Variants in ADGRL2 observed in about 807,000 individuals in gnomAD.
The protein encoded by ADGRL2 is calcium-independent alpha-latrotoxin receptor 2.
Under a neutral mutation model 157.4 loss-of-function variants are expected in ADGRL2, and 44 were observed. The ratio of observed to expected loss-of-function variants is 0.28; its 90% CI spans 0.22 to 0.36. ADGRL2 has a LOEUF of 0.36. Ranked by LOEUF, ADGRL2 falls within the 10% of genes least tolerant of loss-of-function variation. The probability of loss-of-function intolerance (pLI) is 1.00; values close to 1 mark genes in which losing one functional copy is unlikely to be tolerated. For missense variants in ADGRL2, 1,510 were observed against 1,768.9 expected (o/e 0.85, Z 2.63); for synonymous variants, 585 against 624.7 (o/e 0.94, Z 0.95).
At chr1:81,985,135 A>G (rs1662787046) in intron 20 of ADGRL2, 124 bp from the exon 21 acceptor site, 1 of 512,410 alleles carries the variant, frequency 2.0e-6, no homozygotes, top group South Asian at 3.6e-5. Context: ...AAAAACACAC[A>G]TTCTTTAAAA....
At chr1:81,583,003 A>G (rs1220355877) in intron 3 of ADGRL2, among the ~76,000 whole-genome samples, 10 of 152,288 alleles carry the variant, frequency 6.6e-5, no homozygotes, top group Admixed American at 5.9e-4. Flanking sequence ...ATGTATAAGA[A>G]CACTCCCATG....
chr1:81,824,791 A>G (rs1323560804), intron 1 of ADGRL2, among the ~76,000 whole-genome samples: 2 of 152,154 alleles, frequency 1.3e-5, no homozygotes, highest in Non-Finnish European at 1.5e-5. Context: ...GAGGGGAAAG[A>G]TGTTTTCTAT....
chr1:81,758,576 T>C (rs1171485780), intron 1 of ADGRL2, among the ~76,000 whole-genome samples: 2 of 152,214 alleles, frequency 1.3e-5, no homozygotes, highest in Admixed American at 6.5e-5. Context: ...ACATAAAGCA[T>C]TGGTATTTGA....
chr1:81,359,702 A>G (rs146804596), intron 1 of ADGRL2, among the ~76,000 whole-genome samples: 7 of 152,102 alleles, frequency 4.6e-5, no homozygotes, highest in Admixed American at 3.3e-4. Context: ...GCTAATAGAC[A>G]TCTCAAATTT....
intron 1 of ADGRL2, among the ~76,000 whole-genome samples, chr1:81,328,124 C>G (rs1179713479): frequency 6.6e-6 from 1 of 152,154 alleles, no homozygotes; most frequent in Non-Finnish European, 1.5e-5. Flanking sequence ...GGAGCATTGA[C>G]AGGATACCAC....
In ADGRL2 at chr1:81,984,858, C is replaced by G; in HGVS notation, c.3411+147C>G. On this transcript the variant is annotated intron_variant, in intron 20 of 23. Coordinates refer to ENST00000686636, the MANE Select transcript of ADGRL2 (RefSeq NM_001366006.2). ...TTTTTTAGTATTTTGGTTTCAATGT[C>G]TTCTTAAACATTTCTTCAGTGTTTC... 8.3e-6 allele frequency: 7 copies of G among 848,218 alleles called. No homozygotes were observed. The South Asian group carries it at 1.4e-4, about 17-fold the overall frequency. 52.5% of individuals were successfully genotyped at this position (848,218 alleles called of 1,614,324 possible).
At chr1:81,875,120 C>T (rs1426579420) in intron 2 of ADGRL2, among the ~76,000 whole-genome samples, 4 of 152,142 alleles carry the variant, frequency 2.6e-5, no homozygotes, top group Non-Finnish European at 4.4e-5. Context: ...AAAATCCCTG[C>T]AGCAAGTGAC....
At chr1:81,865,665 G>T (rs929747680) in intron 2 of ADGRL2, among the ~76,000 whole-genome samples, 2 of 152,154 alleles carry the variant, frequency 1.3e-5, no homozygotes, top group Non-Finnish European at 2.9e-5. Flanking sequence ...TACTTGCCCT[G>T]CAGACAAGGA....
chr1:81,405,312 T>C (rs1156464167), intron 1 of ADGRL2, among the ~76,000 whole-genome samples: 1 of 152,132 alleles, frequency 6.6e-6, no homozygotes, highest in East Asian at 1.9e-4. Context: ...TCCGTATTAA[T>C]TTAGAATTGG....
intron 2 of ADGRL2, among the ~76,000 whole-genome samples, chr1:81,852,034 A>G (rs1393552198): frequency 2.0e-5 from 3 of 151,998 alleles, no homozygotes; most frequent in Non-Finnish European, 4.4e-5. Flanking sequence ...GTACTTGGTA[A>G]CTAAAATGTT....
Position 81,554,038 on chromosome 1 carries a change from AT to A in ADGRL2, c.-247-26836del, listed in dbSNP as rs570318919. The stretch of plus-strand genomic sequence containing the variant: ...TGGGAAATATTCTTCTACTGACCAG[AT>A]TCCTCCTGCCTTCTAATAATAACCT... On this transcript the variant is annotated intron_variant, in intron 2 of 24. Coordinates refer to the ADGRL2 transcript ENST00000370721. Among the ~76,000 whole-genome samples, 584 of 152,322 alleles carry A rather than the reference AT, an allele frequency of 3.8e-3. 2 individuals carry two copies. The highest frequency in any genetic ancestry group is 8.6e-3 in the Admixed American group (131 of 15,298).
chr1:81,432,954 T>A (rs565941568), intron 1 of ADGRL2, among the ~76,000 whole-genome samples: 2 of 152,244 alleles, frequency 1.3e-5, no homozygotes, highest in African/African-American at 2.4e-5. Context: ...GAGGAAAAAG[T>A]GTCTGTGGAA....
intron 2 of ADGRL2, among the ~76,000 whole-genome samples, chr1:81,881,348 T>C (rs781740016): frequency 3.3e-5 from 5 of 152,108 alleles, no homozygotes; most frequent in Non-Finnish European, 5.9e-5. Context: ...GCTAATTTTT[T>C]GTAGTTTTTA....
intron 1 of ADGRL2, among the ~76,000 whole-genome samples, chr1:81,419,712 C>T (rs2077092995): frequency 1.3e-5 from 2 of 152,128 alleles, no homozygotes; most frequent in South Asian, 4.1e-4. Flanking sequence ...GAAAATGGAT[C>T]TTTAAATCAG....
intron 1 of ADGRL2, among the ~76,000 whole-genome samples, chr1:81,748,520 G>A (rs1336376158): frequency 6.8e-6 from 1 of 146,560 alleles, no homozygotes; most frequent in Admixed American, 6.8e-5. Context: ...AACAGTAGAA[G>A]AGTTTTGACC....
chr1:81,354,549 G>A (rs141129016), intron 1 of ADGRL2, among the ~76,000 whole-genome samples: 1 of 152,188 alleles, frequency 6.6e-6, no homozygotes, highest in Admixed American at 6.5e-5. Context: ...CTCCCAAAAT[G>A]CCTTCCCACT....
intron 1 of ADGRL2, among the ~76,000 whole-genome samples, chr1:81,734,074 C>T (rs542620851): frequency 3.9e-5 from 6 of 152,038 alleles, no homozygotes; most frequent in African/African-American, 1.2e-4. Flanking sequence ...GTCGGGAGTT[C>T]GAGACCAGAC....
chr1:81,383,014 C>T (rs1265006169), intron 1 of ADGRL2, among the ~76,000 whole-genome samples: 2 of 152,160 alleles, frequency 1.3e-5, no homozygotes, highest in African/African-American at 4.8e-5. Flanking sequence ...GTGTTAAGCA[C>T]ATACAAGTCA....
At chr1:81,903,567 T>G (rs2094526510) in intron 2 of ADGRL2, among the ~76,000 whole-genome samples, 1 of 151,818 alleles carries the variant, frequency 6.6e-6, no homozygotes, top group Admixed American at 6.6e-5. Flanking sequence ...ACAGCAACTA[T>G]TCCATTGTTT....
Sources: gnomAD v4.1 joint callset for allele counts (sites outside exome capture counted in the v4.1 genomes callset) on GRCh38, gnomAD v4.1.1 for gene constraint, MANE v1.5 for transcripts, NCBI Gene and HGNC (gene_info 2026-07-23, HGNC 2026-07-21) for gene names.